The following CUX1 variants were observed in gnomAD, a reference collection of about 807,000 sequenced individuals.
CUX1 encodes protein CASP.
CUX1 carries 31 observed loss-of-function variants against 158.8 expected under a neutral mutation model. The observed-to-expected ratio is 0.20, with a 90% CI of 0.15 to 0.26. CUX1 has a LOEUF of 0.26. Ranked by LOEUF, CUX1 falls within the 10% of genes least tolerant of loss-of-function variation. The probability of loss-of-function intolerance (pLI) is 1.00; values close to 1 mark genes in which losing one functional copy is unlikely to be tolerated. For synonymous variants in CUX1, 879 were observed against 862.1 expected, an observed-to-expected ratio of 1.02 and a Z score of -0.34; for missense variants, 1,589 against 2,014.6, an observed-to-expected ratio of 0.79 and a Z score of 4.04.
chr7:102,037,987 G>A (rs1386044827), intron 3 of CUX1, among the ~76,000 whole-genome samples: 2 of 151,702 alleles, frequency 1.3e-5, no homozygotes, highest in Non-Finnish European at 2.9e-5. Flanking sequence ...CCTGGGAGGT[G>A]GAGGCTGCAG....
At chr7:101,816,027 C>T (rs780933901), upstream of CUX1, 1 of 1,428,202 alleles carries the variant, frequency 7.0e-7, no homozygotes, top group Non-Finnish European at 9.4e-7. Flanking sequence ...CAATATGTCT[C>T]AAGATGGCGG....
Position 102,099,589 on chromosome 7 carries a change from C to T in CUX1, c.406+2088C>T, listed in dbSNP as rs552946998. 1.7e-4 allele frequency among the ~76,000 whole-genome samples: 25 copies of T among 151,310 alleles called. 2 individuals carry two copies. In the South Asian group the frequency reaches 3.8e-3, roughly 23 times the overall value. On this transcript the variant is annotated intron_variant, in intron 5 of 23. Transcript: ENST00000292535. ...TTTATTTATTTTAGATTCAGGGTCT[C>T]GCCCTGTCACCCAGGCTGGAGTGCA... is the stretch of plus-strand genomic sequence containing the variant.
At chr7:101,958,479 C>CT (rs11433173) in intron 2 of CUX1, among the ~76,000 whole-genome samples, 81,611 of 112,180 alleles carry the variant, frequency 0.73, 30,735 homozygotes, top group Non-Finnish European at 0.78. Context: ...ATTTTCTTTT[C>CT]TTTTTTTTTT....
chr7:102,029,900 C>T (rs1369364081), intron 3 of CUX1, among the ~76,000 whole-genome samples: 1 of 152,258 alleles, frequency 6.6e-6, no homozygotes, highest in East Asian at 1.9e-4. Context: ...CTTCCTAGTT[C>T]TCTCGCTCAA....
At chr7:102,261,400 A>T (rs1188215961), downstream of CUX1, among the ~76,000 whole-genome samples, 2 of 152,186 alleles carry the variant, frequency 1.3e-5, no homozygotes, top group Non-Finnish European at 2.9e-5. Flanking sequence ...AGGCTGAGGC[A>T]GGAGAATCAC....
At chr7:101,979,251 G>A (rs1585157533) in intron 2 of CUX1, among the ~76,000 whole-genome samples, 1 of 152,246 alleles carries the variant, frequency 6.6e-6, no homozygotes. Context: ...GGCTCCCTAG[G>A]GCCGGCATAT....
chr7:102,096,006 G>A (rs1045530132), intron 4 of CUX1, among the ~76,000 whole-genome samples: 32 of 152,254 alleles, frequency 2.1e-4, no homozygotes, highest in African/African-American at 7.0e-4. Context: ...GGCGAGAGCC[G>A]TGAGTTTGTA....
In CUX1 at chr7:101,871,807, C is replaced by T. The variant is rs1307615245; in HGVS notation, c.31-44308C>T. ...CCAAGGCGGGTGGATCACCTGAGGT[C>T]AGGAGTTCAAGACCACCCTGGCCAA... is the stretch of plus-strand genomic sequence containing the variant. On this transcript the variant is annotated intron_variant, in intron 1 of 23. Coordinates refer to ENST00000292535, the MANE Select transcript of CUX1 (RefSeq NM_181552.4). 2.0e-5 allele frequency among the ~76,000 whole-genome samples: 3 copies of T among 152,076 alleles called. No individual in the cohort carries two copies. The East Asian group carries it at 5.8e-4, about 29-fold the overall frequency.
intron 1 of CUX1, among the ~76,000 whole-genome samples, chr7:101,849,371 CT>C (rs536176452): frequency 3.9e-5 from 6 of 151,920 alleles, no homozygotes; most frequent in Non-Finnish European, 7.4e-5. Context: ...TTTTTCCCCC[CT>C]CTCTGTGTCC....
rs575296428 is a variant in CUX1, at chr7:102,253,479, A to T, written c.*4437A>T. The T allele has an allele frequency of 1.2e-5, 12 of 985,482 alleles. No homozygotes were observed. The South Asian group carries it at 5.2e-4, about 42-fold the overall frequency. The allele number at this position is 985,482 out of a possible 1,614,324, so 61.0% of individuals were successfully genotyped here. ...TTCCCGACTAAGGTTGGACTGGATG[A>T]CTTTGTTCCTCCTGCATGCATGTCC... On this transcript the variant is annotated 3_prime_UTR_variant, in exon 24 of 24. Coordinates refer to ENST00000292535, the MANE Select transcript of CUX1 (RefSeq NM_181552.4).
At chr7:101,919,028 C>T (rs920566660) in intron 2 of CUX1, among the ~76,000 whole-genome samples, 1 of 152,220 alleles carries the variant, frequency 6.6e-6, no homozygotes, top group African/African-American at 2.4e-5. Context: ...ATCCGCCCAC[C>T]TCGGCCTCCC....
At chr7:101,819,859 G>T (rs1426390710) in intron 1 of CUX1, among the ~76,000 whole-genome samples, 1 of 152,078 alleles carries the variant, frequency 6.6e-6, no homozygotes, top group African/African-American at 2.4e-5. Flanking sequence ...CCTCGGCTTC[G>T]TGTATCTTCT....
intron 20 of CUX1, among the ~76,000 whole-genome samples, chr7:102,217,437 C>T (rs1797344844): frequency 1.3e-5 from 2 of 152,254 alleles, no homozygotes; most frequent in Admixed American, 6.5e-5. Flanking sequence ...GGCCTCATCA[C>T]CTCTGCAGCT....
intron 2 of CUX1, among the ~76,000 whole-genome samples, chr7:101,972,858 T>G (rs924873073): frequency 2.0e-5 from 3 of 152,138 alleles, no homozygotes; most frequent in Admixed American, 1.3e-4. Context: ...TTCTTGGCAT[T>G]CAAAGTTGCA....
chr7:101,908,174 T>G (rs1361586789), intron 1 of CUX1, among the ~76,000 whole-genome samples: 3 of 152,242 alleles, frequency 2.0e-5, no homozygotes, highest in Non-Finnish European at 4.4e-5. Context: ...TCTATGCATC[T>G]ATGTGTATCT....
At chr7:102,231,356 G>T (rs1244377639) in intron 21 of CUX1, among the ~76,000 whole-genome samples, 1 of 151,098 alleles carries the variant, frequency 6.6e-6, no homozygotes, top group Non-Finnish European at 1.5e-5. Flanking sequence ...TAGAGATGGG[G>T]TTTCACCATA....
intron 1 of CUX1, among the ~76,000 whole-genome samples, chr7:101,839,105 C>T (rs944210106): frequency 1.3e-5 from 2 of 152,220 alleles, no homozygotes; most frequent in Non-Finnish European, 2.9e-5. Context: ...ATCATGAGGG[C>T]TTTACCCTAG....
At position 102,253,714 on chromosome 7, in the gene CUX1, G is replaced by A; in HGVS notation, c.*4672G>A. ...GCAGTATGACAGGCGCTTCTTGGCA[G>A]ACCAGTAAAAACAAAAGCCCATAGA... On this transcript the variant is annotated 3_prime_UTR_variant, in exon 24 of 24. Transcript: ENST00000292535. 22 of 985,452 alleles carry A rather than the reference G, an allele frequency of 2.2e-5. No homozygotes were observed. Among genetic ancestry groups the A allele is most frequent in the Non-Finnish European group, 2.7e-5 (22 of 829,958 alleles). 61.0% of individuals were successfully genotyped at this position (985,452 alleles called of 1,614,324 possible).
At chr7:101,850,734 G>T (rs1265009343) in intron 1 of CUX1, among the ~76,000 whole-genome samples, 1 of 152,142 alleles carries the variant, frequency 6.6e-6, no homozygotes, top group Admixed American at 6.6e-5. Flanking sequence ...ATATTTCAGT[G>T]TTAGGTGTTG....
Sources: gnomAD v4.1 joint callset for allele counts (sites outside exome capture counted in the v4.1 genomes callset) on GRCh38, gnomAD v4.1.1 for gene constraint, MANE v1.5 for transcripts, NCBI Gene and HGNC (gene_info 2026-07-23, HGNC 2026-07-21) for gene names.